Variants in LTBP1 observed in about 807,000 individuals in gnomAD.
LTBP1 encodes latent-transforming growth factor beta-binding protein 1.
Under a neutral mutation model 207.6 loss-of-function variants are expected in LTBP1, and 129 were observed. That is an observed-to-expected ratio of 0.62 (90% CI 0.54 to 0.72). LTBP1 has a LOEUF of 0.72. Ranked by LOEUF, LTBP1 falls within the 30% of genes least tolerant of loss-of-function variation. LTBP1 has a pLI of 0.00. For synonymous variants in LTBP1, 963 were observed against 833.7 expected, an observed-to-expected ratio of 1.16 and a Z score of -2.67; for missense variants, 2,281 against 2,217.2, an observed-to-expected ratio of 1.03 and a Z score of -0.58.
chr2:32,987,838 G>C (rs1168140941), intron 2 of LTBP1, among the ~76,000 whole-genome samples: 2 of 152,200 alleles, frequency 1.3e-5, no homozygotes, highest in Non-Finnish European at 2.9e-5. Flanking sequence ...AAAGATACCA[G>C]CTCCTAATGC....
chr2:33,170,735 G>A (rs1479192477), intron 5 of LTBP1, among the ~76,000 whole-genome samples: 4 of 139,116 alleles, frequency 2.9e-5, no homozygotes, highest in African/African-American at 7.9e-5. Flanking sequence ...CCTGACCCCC[G>A]AGCAGCCTAA....
At chr2:33,214,049 A>G (rs535056088) in intron 7 of LTBP1, among the ~76,000 whole-genome samples, 14 of 152,220 alleles carry the variant, frequency 9.2e-5, no homozygotes, top group Non-Finnish European at 1.8e-4. Context: ...TGCTACTAAC[A>G]TTTTAAGCAT....
intron 3 of LTBP1, among the ~76,000 whole-genome samples, chr2:33,060,002 T>TC (rs2077185811): frequency 6.6e-6 from 1 of 152,228 alleles, no homozygotes; most frequent in African/African-American, 2.4e-5. Context: ...GAATAAGAAA[T>TC]CCAAGTTCTT....
intron 24 of LTBP1, among the ~76,000 whole-genome samples, chr2:33,316,130 A>G (rs1283531076): frequency 6.9e-6 from 1 of 145,140 alleles, no homozygotes; most frequent in Non-Finnish European, 1.5e-5. Context: ...CAACCTCTGT[A>G]TGTTTGCAAG....
intron 5 of LTBP1, among the ~76,000 whole-genome samples, chr2:33,158,687 G>C (rs13417676): frequency 6.6e-6 from 1 of 152,148 alleles, no homozygotes; most frequent in South Asian, 2.1e-4. Flanking sequence ...TTTCTTTCCA[G>C]TGATTCATAT....
intron 12 of LTBP1, among the ~76,000 whole-genome samples, chr2:33,258,964 T>C (rs947960564): frequency 6.6e-6 from 1 of 152,188 alleles, no homozygotes; most frequent in East Asian, 1.9e-4. Flanking sequence ...ACAATAACGT[T>C]TATGATTGTG....
At chr2:33,376,732 A>C (rs1034605154) in intron 31 of LTBP1, among the ~76,000 whole-genome samples, 1 of 152,168 alleles carries the variant, frequency 6.6e-6, no homozygotes, top group Non-Finnish European at 1.5e-5. Context: ...ACCTTCTCCT[A>C]AGGGGATATC....
chr2:33,208,068 C>CA (rs1324078619), intron 7 of LTBP1, among the ~76,000 whole-genome samples: 1 of 151,760 alleles, frequency 6.6e-6, no homozygotes. Flanking sequence ...TTCAAGATTT[C>CA]AAAAAAAATA....
Position 33,134,464 on chromosome 2 carries a change from G to C in LTBP1, c.1034-329G>C, listed in dbSNP as rs1429730752. ...GGCTCTTTAATCTGTCGTGCCCTCG[G>C]TATTGCTCTTTGTCTGCCCGTGAAT... On this transcript the variant is annotated intron_variant, in intron 4 of 33. Coordinates refer to ENST00000404816, the MANE Select transcript of LTBP1 (RefSeq NM_206943.4). This position sits in a 1 kb window ranked among gnomAD's most constrained non-coding sequence, Gnocchi z 4.4. 1 of 1,009,368 alleles carries C rather than the reference G, an allele frequency of 9.9e-7. No individual in the cohort carries two copies. Among genetic ancestry groups the C allele is most frequent in the Admixed American group, 2.2e-5 (1 of 45,972 alleles). 62.5% of individuals were successfully genotyped at this position (1,009,368 alleles called of 1,614,324 possible). A position where few individuals can be genotyped will look rare whatever the true frequency, so the allele number is the denominator to read the frequency against.
At chr2:33,201,504 G>A (rs1220229605) in intron 7 of LTBP1, among the ~76,000 whole-genome samples, 2 of 151,860 alleles carry the variant, frequency 1.3e-5, no homozygotes, top group African/African-American at 4.8e-5. Context: ...GGGAGGGATA[G>A]CATTAGGAGA....
chr2:33,248,892 A>G (rs74503674), intron 10 of LTBP1, among the ~76,000 whole-genome samples: 2,230 of 152,172 alleles, frequency 0.015, 22 homozygotes, highest in East Asian at 0.025. Flanking sequence ...CAGCCATGAA[A>G]TGGTTTTTAA....
At chr2:33,121,702 A>G (rs150208485) in intron 4 of LTBP1, among the ~76,000 whole-genome samples, 1,600 of 152,220 alleles carry the variant, frequency 0.011, 18 homozygotes, top group East Asian at 0.016. Flanking sequence ...TCCTCCCCCA[A>G]ACAAAATCTT....
chr2:33,340,483 G>T (rs1247866343), intron 24 of LTBP1, among the ~76,000 whole-genome samples: 1 of 152,164 alleles, frequency 6.6e-6, no homozygotes, highest in Non-Finnish European at 1.5e-5. Context: ...AGAACAAGAA[G>T]AATATTCCGT....
intron 2 of LTBP1, among the ~76,000 whole-genome samples, chr2:32,966,640 A>C (rs1293273565): frequency 6.6e-6 from 1 of 152,134 alleles, no homozygotes; most frequent in East Asian, 1.9e-4. Flanking sequence ...TGATATGATC[A>C]TGTGATTTTT....
rs1441586172 is a variant in LTBP1 at position 33,300,355 on chromosome 2, A to C, written c.3236-96A>C. On this transcript the variant is annotated intron_variant, in intron 20 of 33. Transcript: ENST00000404816. The stretch of plus-strand genomic sequence containing the variant: ...AGTGCCAGACATAAGAAGTACTATT[A>C]TTTTTGTTACACTAATCCCAGAATG... 3.2e-6 allele frequency: 4 copies of C among 1,261,268 alleles called. No homozygotes were observed. In the East Asian group the frequency reaches 9.8e-5, roughly 31 times the overall value. The allele number at this position is 1,261,268 out of a possible 1,614,324, so 78.1% of individuals were successfully genotyped here. A position where few individuals can be genotyped will look rare whatever the true frequency, so the allele number is the denominator to read the frequency against.
chr2:33,165,106 G>A (rs920179451), intron 5 of LTBP1, among the ~76,000 whole-genome samples: 21 of 152,164 alleles, frequency 1.4e-4, no homozygotes, highest in African/African-American at 5.1e-4. Context: ...TCAGTTTCAT[G>A]ATCTAAATGG....
At chr2:33,255,222 C>A (rs1260826922) in intron 11 of LTBP1, among the ~76,000 whole-genome samples, 1 of 151,524 alleles carries the variant, frequency 6.6e-6, no homozygotes, top group Non-Finnish European at 1.5e-5. Flanking sequence ...ATGATGGTTT[C>A]CAATTTCATC....
rs898370215 is a variant in LTBP1 at position 33,085,717 on chromosome 2, G to C, written c.864-24865G>C. ...ATCATATGCTTACATAAGAGGCAGG[G>C]GGGCCAGGATTCAACCCACCCTCTA... On this transcript the variant is annotated intron_variant, in intron 3 of 33. Coordinates refer to ENST00000404816, the MANE Select transcript of LTBP1 (RefSeq NM_206943.4). Among the ~76,000 whole-genome samples, 39 of 152,270 alleles carry C rather than the reference G, an allele frequency of 2.6e-4. 1 individual carries two copies. The highest frequency in any genetic ancestry group is 3.4e-3 in the Middle Eastern group (1 of 294).
intron 24 of LTBP1, among the ~76,000 whole-genome samples, chr2:33,332,673 C>T (rs2094510153): frequency 6.6e-6 from 1 of 151,980 alleles, no homozygotes; most frequent in Non-Finnish European, 1.5e-5. Flanking sequence ...TCTCCTGCCT[C>T]AGCCTCCCAA....
Sources: gnomAD v4.1 joint callset for allele counts (sites outside exome capture counted in the v4.1 genomes callset) on GRCh38, gnomAD v4.1.1 for gene constraint, Gnocchi (gnomAD v3.1) non-coding constraint, MANE v1.5 for transcripts, NCBI Gene and HGNC (gene_info 2026-07-23, HGNC 2026-07-21) for gene names.